Variants in KCNQ3 observed in about 807,000 individuals in gnomAD.
KCNQ3 encodes the protein potassium voltage-gated channel subfamily Q member 3.
KCNQ3 carries 30 observed loss-of-function variants against 92.5 expected under a neutral mutation model. The observed-to-expected ratio is 0.32, with a 90% CI of 0.24 to 0.44. The LOEUF is 0.44. KCNQ3 is among the 20% of genes least tolerant of loss of function. KCNQ3 has a pLI of 1.00. For synonymous variants in KCNQ3, 450 were observed against 468.8 expected (o/e 0.96, Z 0.52); for missense variants, 913 against 1,140.3 (o/e 0.80, Z 2.87).
At chr8:132,162,413 T>C (rs1826019278) in intron 9 of KCNQ3, among the ~76,000 whole-genome samples, 1 of 152,136 alleles carries the variant, frequency 6.6e-6, no homozygotes, top group Admixed American at 6.5e-5. Flanking sequence ...CTGGTGCTTA[T>C]GGGGTGTGTG....
Position 132,154,192 on chromosome 8 carries a change from A to ATTTTTTTTTTTTTT in KCNQ3, c.1262+9275_1262+9276insAAAAAAAAAAAAAA, listed in dbSNP as rs1563775830. On this transcript the variant is annotated intron_variant, in intron 9 of 14. Coordinates refer to ENST00000388996, the MANE Select transcript of KCNQ3 (RefSeq NM_004519.4). Reference sequence around the variant, plus strand: ...CCTGATGTACCATCAAAAGGGTAAAAGTTTTTTTTTTTTTTTTTTTTTTTT... The same window carrying ATTTTTTTTTTTTTT: ...CCTGATGTACCATCAAAAGGGTAAAATTTTTTTTTTTTTTGTTTTTTTTTTTTTTTTTTTTTTTT... 4.3e-4 allele frequency among the ~76,000 whole-genome samples: 45 copies of ATTTTTTTTTTTTTT among 104,470 alleles called. 1 individual carries two copies. The highest frequency in any genetic ancestry group is 7.6e-4 in the African/African-American group (23 of 30,322). The allele number at this position is 104,470 out of a possible 152,430, so 68.5% of individuals were successfully genotyped here.
intron 4 of KCNQ3, among the ~76,000 whole-genome samples, chr8:132,179,092 C>G (rs1167365921): frequency 1.3e-5 from 2 of 150,070 alleles, no homozygotes; most frequent in African/African-American, 4.9e-5. Flanking sequence ...TTTCTCCTCT[C>G]GGGATTTTTT....
Position 132,128,724 on chromosome 8 carries a change from C to T in KCNQ3, c.*538G>A, listed in dbSNP as rs1311091296. ...GTTTAAATTCTTTGTTTTAGAGACACAATGACTATCTCATTCCTTTCCTAA... is the reference window on the plus strand; with the variant it reads ...GTTTAAATTCTTTGTTTTAGAGACATAATGACTATCTCATTCCTTTCCTAA... On this transcript the variant is annotated 3_prime_UTR_variant, in exon 15 of 15. Transcript: ENST00000388996. 2 of 157,822 alleles carry T rather than the reference C, an allele frequency of 1.3e-5. No individual in the cohort carries two copies. Among genetic ancestry groups the T allele is most frequent in the East Asian group, 3.7e-4 (2 of 5,410 alleles). The allele number at this position is 157,822 out of a possible 1,614,324, so 9.8% of individuals were successfully genotyped here.
chr8:132,159,450 C>T (rs952896483), intron 9 of KCNQ3, among the ~76,000 whole-genome samples: 7 of 152,120 alleles, frequency 4.6e-5, no homozygotes, highest in East Asian at 1.9e-4. Flanking sequence ...TAGACAGTAG[C>T]GGCTTTTACT....
intron 1 of KCNQ3, among the ~76,000 whole-genome samples, chr8:132,332,856 C>T (rs899501553): frequency 5.9e-5 from 9 of 152,232 alleles, no homozygotes; most frequent in African/African-American, 2.2e-4. Flanking sequence ...CAGAACCTGT[C>T]CTTCCTGCTG....
At chr8:132,208,417 G>A (rs1474030903) in intron 1 of KCNQ3, among the ~76,000 whole-genome samples, 1 of 151,984 alleles carries the variant, frequency 6.6e-6, no homozygotes, top group Non-Finnish European at 1.5e-5. Context: ...TAACTTAGGG[G>A]AAAGAAATGC....
At chr8:132,286,819 T>C (rs1816691534) in intron 1 of KCNQ3, among the ~76,000 whole-genome samples, 1 of 152,226 alleles carries the variant, frequency 6.6e-6, no homozygotes, top group Non-Finnish European at 1.5e-5. Context: ...GGCTTTTTCA[T>C]AAGACTGGAT....
intron 1 of KCNQ3, among the ~76,000 whole-genome samples, chr8:132,222,845 G>T (rs1453212392): frequency 6.6e-6 from 1 of 152,166 alleles, no homozygotes; most frequent in Non-Finnish European, 1.5e-5. Flanking sequence ...TTTGAAGAAA[G>T]CATAACTTCA....
At chr8:132,169,929 T>C (rs1383197591) in intron 8 of KCNQ3, among the ~76,000 whole-genome samples, 1 of 152,130 alleles carries the variant, frequency 6.6e-6, no homozygotes. Flanking sequence ...GCTGAAGTGC[T>C]GTAGCACAAT....
chr8:132,190,196 G>A (rs1827118190), intron 1 of KCNQ3, among the ~76,000 whole-genome samples: 1 of 152,160 alleles, frequency 6.6e-6, no homozygotes. Context: ...CCTCGGATAT[G>A]TATATATGAA....
At chr8:132,250,162 G>A (rs543721555) in intron 1 of KCNQ3, among the ~76,000 whole-genome samples, 38 of 152,322 alleles carry the variant, frequency 2.5e-4, no homozygotes, top group Admixed American at 5.2e-4. Flanking sequence ...CGCCGAGGCC[G>A]AGGAGGCACT....
At chr8:132,201,845 C>A (rs574640966) in intron 1 of KCNQ3, among the ~76,000 whole-genome samples, 1 of 152,160 alleles carries the variant, frequency 6.6e-6, no homozygotes, top group South Asian at 2.1e-4. Flanking sequence ...ACTGCCCTAG[C>A]GAGGTCTCTC....
chr8:132,290,429 G>A (rs775435713), intron 1 of KCNQ3, among the ~76,000 whole-genome samples: 4 of 152,162 alleles, frequency 2.6e-5, no homozygotes, highest in Non-Finnish European at 5.9e-5. Flanking sequence ...GAGAGGGTTA[G>A]GGAAAAGGGT....
At chr8:132,197,301 G>T (rs1056736085) in intron 1 of KCNQ3, among the ~76,000 whole-genome samples, 2 of 152,188 alleles carry the variant, frequency 1.3e-5, no homozygotes, top group African/African-American at 4.8e-5. Context: ...CCTTCACCAG[G>T]CCAAGCAGCT....
At chr8:132,402,118 A>G (rs1203972166) in intron 1 of KCNQ3, among the ~76,000 whole-genome samples, 1 of 152,186 alleles carries the variant, frequency 6.6e-6, no homozygotes, top group African/African-American at 2.4e-5. Flanking sequence ...TTCTGGAGAT[A>G]TCATGCTACC....
At chr8:132,350,251 C>T (rs1818819690) in intron 1 of KCNQ3, among the ~76,000 whole-genome samples, 1 of 152,008 alleles carries the variant, frequency 6.6e-6, no homozygotes, top group South Asian at 2.1e-4. Context: ...CAAGTTCCTT[C>T]CAAGAGAAAA....
intron 1 of KCNQ3, among the ~76,000 whole-genome samples, chr8:132,194,591 GC>G (rs1403623029): frequency 6.6e-6 from 1 of 152,226 alleles, no homozygotes; most frequent in Non-Finnish European, 1.5e-5. Context: ...GGGGGGAAAT[GC>G]CATTATTGAT....
At chr8:132,308,788 A>T (rs1339412560) in intron 1 of KCNQ3, among the ~76,000 whole-genome samples, 2 of 152,214 alleles carry the variant, frequency 1.3e-5, no homozygotes, top group Admixed American at 6.5e-5. Context: ...AACAATGGAG[A>T]TACTGAGGAT....
intron 1 of KCNQ3, among the ~76,000 whole-genome samples, chr8:132,288,800 G>A (rs939428453): frequency 6.6e-6 from 1 of 152,074 alleles, no homozygotes; most frequent in African/African-American, 2.4e-5. Context: ...CATTGTCCCT[G>A]ACCCACTCTT....
Sources: allele counts gnomAD v4.1 joint callset (sites outside exome capture counted in the v4.1 genomes callset), GRCh38; gene constraint gnomAD v4.1.1; transcripts MANE v1.5; gene names NCBI Gene and HGNC (gene_info 2026-07-23, HGNC 2026-07-21).